Variants in AK4 observed in about 807,000 individuals in gnomAD.
AK4 encodes the protein adenylate kinase 4.
AK4 carries 13 observed loss-of-function variants against 24.6 expected under a neutral mutation model. The observed-to-expected ratio is 0.53, with a 90% confidence interval of 0.34 to 0.84. The LOEUF is 0.84. Ranked by LOEUF, AK4 falls within the 40% of genes least tolerant of loss-of-function variation. AK4 has a pLI of 0.01. For synonymous variants in AK4, 88 were observed against 107.0 expected (o/e 0.82, Z 1.10); for missense variants, 192 against 288.2 (o/e 0.67, Z 2.42).
At chr1:65,152,441 C>T (rs935311437) in intron 1 of AK4, among the ~76,000 whole-genome samples, 5 of 119,174 alleles carry the variant, frequency 4.2e-5, no homozygotes. Flanking sequence ...CTCACTCTGT[C>T]ACCCAGGCCG....
intron 1 of AK4, among the ~76,000 whole-genome samples, chr1:65,177,828 A>G (rs571649081): frequency 6.6e-6 from 1 of 152,186 alleles, no homozygotes; most frequent in South Asian, 2.1e-4. Context: ...GGCAACATGC[A>G]CCAAATGTCC....
intron 2 of AK4, among the ~76,000 whole-genome samples, chr1:65,194,012 G>A (rs1477190680): frequency 2.6e-5 from 4 of 152,182 alleles, no homozygotes; most frequent in African/African-American, 9.7e-5. Context: ...GATCACTTTA[G>A]CCTGAGAGGT....
At chr1:65,198,729 A>G (rs1038343169) in intron 2 of AK4, among the ~76,000 whole-genome samples, 2 of 150,760 alleles carry the variant, frequency 1.3e-5, no homozygotes, top group African/African-American at 4.9e-5. Flanking sequence ...TCCATGCCCC[A>G]AGACAATGTA....
At chr1:65,175,825 T>G (rs1650694733) in intron 1 of AK4, among the ~76,000 whole-genome samples, 1 of 152,224 alleles carries the variant, frequency 6.6e-6, no homozygotes, top group African/African-American at 2.4e-5. Context: ...TTCAGATTAC[T>G]TGCCGTTTTC....
chr1:65,224,787 G>A lies in AK4; in HGVS notation c.474G>A (p.Gln158=), dbSNP rs1422547243. The A allele has an allele frequency of 3.7e-6, 6 of 1,613,478 alleles. No individual in the cohort carries two copies. The East Asian group carries it at 8.9e-5, about 24-fold the overall frequency. The change falls in exon 4 of 5, where the codon CAG becomes CAA. Residue 158 remains glutamine (Q), a synonymous_variant. Transcript: ENST00000327299. ...IDDVTGEPLV[Q]QEDDKPEAVA... Reference sequence around the variant, plus strand: ...ACGTCACTGGTGAACCGTTAGTCCAGCAGGAGGATGATAAACCCGAAGCAG... The same window carrying A: ...ACGTCACTGGTGAACCGTTAGTCCAACAGGAGGATGATAAACCCGAAGCAG...
intron 2 of AK4, among the ~76,000 whole-genome samples, chr1:65,216,875 A>G (rs1652149267): frequency 6.6e-6 from 1 of 151,274 alleles, no homozygotes; most frequent in African/African-American, 2.5e-5. Flanking sequence ...TTTAATTTTT[A>G]TTTTTGGTAG....
intron 3 of AK4, 29 bp downstream of exon 3, chr1:65,218,955 C>T: frequency 6.7e-7 from 1 of 1,495,218 alleles, no homozygotes; most frequent in Non-Finnish European, 9.0e-7. Flanking sequence ...CTTTCACAAC[C>T]TGACAAGAAA....
intron 2 of AK4, among the ~76,000 whole-genome samples, chr1:65,205,557 AT>A (rs1195419717): frequency 2.0e-5 from 3 of 151,866 alleles, no homozygotes; most frequent in African/African-American, 7.3e-5. Context: ...TTTCAAGGTG[AT>A]TTTTTTTCAC....
intron 2 of AK4, among the ~76,000 whole-genome samples, chr1:65,216,836 C>T (rs184462680): frequency 6.8e-6 from 1 of 147,404 alleles, no homozygotes; most frequent in East Asian, 1.9e-4. Flanking sequence ...CCTGTAACTA[C>T]AGGCATGCAT....
At position 65,218,818 on chromosome 1, in the gene AK4, C is replaced by G. The variant is rs767860155; in HGVS notation, c.330C>G (p.Ile110Met). Residue 110 changes from isoleucine to methionine, a missense_variant, in exon 3 of 5, where the codon ATC becomes ATG. Physicochemically the swap from Ile to Met is conservative, Grantham distance 10. Transcript: ENST00000327299. ...LDKICEVDLVISLNIPFETLK... is the reference protein window; with the variant it reads ...LDKICEVDLVMSLNIPFETLK... ...AAATCTGTGAAGTGGATCTAGTGAT[C>G]AGTTTGAATATTCCATTTGAAACAC... 4 of 1,602,442 alleles carry G rather than the reference C, an allele frequency of 2.5e-6. No individual in the cohort carries two copies. Among genetic ancestry groups the G allele is most frequent in the Admixed American group, 1.7e-5 (1 of 57,742 alleles).
At chr1:65,169,558 A>G (rs1433533488) in intron 1 of AK4, among the ~76,000 whole-genome samples, 1 of 152,148 alleles carries the variant, frequency 6.6e-6, no homozygotes, top group Non-Finnish European at 1.5e-5. Flanking sequence ...ACACAGATTC[A>G]TATATATTGA....
At chr1:65,168,234 C>T (rs1650399080) in intron 1 of AK4, among the ~76,000 whole-genome samples, 2 of 151,338 alleles carry the variant, frequency 1.3e-5, no homozygotes, top group Admixed American at 1.3e-4. Context: ...TGCAACTCCG[C>T]CTCCCGGGTT....
chr1:65,187,095 C>T (rs967088057), intron 1 of AK4, among the ~76,000 whole-genome samples: 3 of 151,734 alleles, frequency 2.0e-5, no homozygotes, highest in East Asian at 1.9e-4. Flanking sequence ...CGCGGTGGCT[C>T]ACGCTTGTAA....
At chr1:65,203,602 A>C (rs1449663889) in intron 2 of AK4, among the ~76,000 whole-genome samples, 3 of 152,050 alleles carry the variant, frequency 2.0e-5, no homozygotes, top group Non-Finnish European at 2.9e-5. Context: ...TCAGGAGTTC[A>C]AGACCAGCCT....
At chr1:65,207,361 A>T (rs151243482) in intron 2 of AK4, among the ~76,000 whole-genome samples, 2 of 152,040 alleles carry the variant, frequency 1.3e-5, no homozygotes, top group Non-Finnish European at 2.9e-5. Flanking sequence ...CTATTAACCT[A>T]TAAGCTTCCT....
chr1:65,204,203 ATT>A (rs35676370), intron 2 of AK4, among the ~76,000 whole-genome samples: 17 of 144,058 alleles, frequency 1.2e-4, no homozygotes, highest in Middle Eastern at 3.6e-3. Context: ...ATCTTACTGA[ATT>A]TTTTTTTTTT....
chr1:65,166,255 TCTTC>T (rs1409651834), intron 1 of AK4, among the ~76,000 whole-genome samples: 2 of 152,052 alleles, frequency 1.3e-5, no homozygotes, highest in Non-Finnish European at 2.9e-5. Flanking sequence ...TCATTTATAA[TCTTC>T]CTTAGTGAAT....
chr1:65,152,340 CTCTCTCTCTCTCTCTCTCTCTATATATA>C (rs1649804086), intron 1 of AK4, among the ~76,000 whole-genome samples: 1 of 42,032 alleles, frequency 2.4e-5, no homozygotes, highest in African/African-American at 1.1e-4. Flanking sequence ...CTCTCTCTCT[CTCTCTCTCTCTCTCTCTCTCTATATATA>C]TATATATATA....
upstream of AK4, chr1:65,148,196 G>C: frequency 3.8e-6 from 4 of 1,042,468 alleles, no homozygotes; most frequent in Non-Finnish European, 5.3e-6. Flanking sequence ...GGTGTAGCGT[G>C]GCGCTCAGTC....
Sources: allele counts gnomAD v4.1 joint callset (sites outside exome capture counted in the v4.1 genomes callset), GRCh38; gene constraint gnomAD v4.1.1; transcripts MANE v1.5; gene names NCBI Gene and HGNC (gene_info 2026-07-23, HGNC 2026-07-21).